Variants in ADAM12 observed in about 807,000 individuals in gnomAD.
The protein encoded by ADAM12 is ADAM metallopeptidase domain 12.
A neutral mutation model predicts 106.4 loss-of-function variants in ADAM12; 70 were observed. That is an observed-to-expected ratio of 0.66 (90% confidence interval 0.54 to 0.80). ADAM12 has a LOEUF of 0.80. Among genes scored for constraint, ADAM12 ranks in the 30% least tolerant of loss-of-function variants. ADAM12 has a pLI of 0.00. For synonymous variants in ADAM12, 420 were observed against 433.5 expected (o/e 0.97, Z 0.39); for missense variants, 1,010 against 1,171.9 (o/e 0.86, Z 2.02).
intron 1 of ADAM12, among the ~76,000 whole-genome samples, chr10:126,332,989 G>A (rs1239913820): frequency 6.6e-6 from 1 of 152,200 alleles, no homozygotes; most frequent in African/African-American, 2.4e-5. Flanking sequence ...GATTAAGGCA[G>A]CTTTAAAATA....
chr10:126,087,748 CAG>C (rs1389985373), intron 11 of ADAM12, among the ~76,000 whole-genome samples: 1 of 152,228 alleles, frequency 6.6e-6, no homozygotes, highest in African/African-American at 2.4e-5. Context: ...GCAAGTTCTA[CAG>C]AGTGTGGACT....
In ADAM12 at chr10:126,066,181, C is replaced by T. The variant is rs1436857409; in HGVS notation, c.1413+536G>A. On this transcript the variant is annotated intron_variant, in intron 13 of 22. Transcript: ENST00000448723. The surrounding 1 kb of genome is among the most constrained non-coding windows in gnomAD (Gnocchi z 5.1). ...GAGACAATGGAACTGCCAAAAGAAACGCAGTCCTAGCCAGCAGCAATGGCG... is the reference window on the plus strand; with the variant it reads ...GAGACAATGGAACTGCCAAAAGAAATGCAGTCCTAGCCAGCAGCAATGGCG... Among the ~76,000 whole-genome samples the T allele has an allele frequency of 6.6e-6, 1 of 152,196 alleles. No individual in the cohort carries two copies. The highest frequency in any genetic ancestry group is 2.4e-5 in the African/African-American group (1 of 41,444).
intron 1 of ADAM12, among the ~76,000 whole-genome samples, chr10:126,380,689 A>G: frequency 6.6e-6 from 1 of 152,368 alleles, no homozygotes; most frequent in East Asian, 1.9e-4. Context: ...ACTATGAAAA[A>G]TGCACAGCAA....
chr10:126,077,329 C>G (rs1423157069), intron 11 of ADAM12, among the ~76,000 whole-genome samples: 3 of 151,936 alleles, frequency 2.0e-5, no homozygotes, highest in African/African-American at 7.3e-5. Flanking sequence ...TCATACTACC[C>G]AAAGCAATGT....
chr10:126,249,036 A>G (rs1488011560), intron 3 of ADAM12, among the ~76,000 whole-genome samples: 1 of 152,028 alleles, frequency 6.6e-6, no homozygotes, highest in Non-Finnish European at 1.5e-5. Flanking sequence ...TCATTTCCAG[A>G]ACCAACTATA....
chr10:126,246,361 A>T (rs887874179), intron 3 of ADAM12, among the ~76,000 whole-genome samples: 1 of 152,210 alleles, frequency 6.6e-6, no homozygotes, highest in East Asian at 1.9e-4. Context: ...AGCCATAGAC[A>T]ACCTAAGGTA....
intron 2 of ADAM12, among the ~76,000 whole-genome samples, chr10:126,326,158 C>T (rs188703009): frequency 6.6e-6 from 1 of 152,176 alleles, no homozygotes; most frequent in African/African-American, 2.4e-5. Context: ...ATCAATTTCC[C>T]CAAGTGGATC....
chr10:126,084,028 G>A (rs1955287403), intron 11 of ADAM12, among the ~76,000 whole-genome samples: 1 of 152,178 alleles, frequency 6.6e-6, no homozygotes, highest in African/African-American at 2.4e-5. Flanking sequence ...TCCTTAGTAG[G>A]CCATTTCCAT....
At chr10:126,046,801 C>CAAAAAAAAAAAA (rs60056450) in intron 16 of ADAM12, among the ~76,000 whole-genome samples, 1 of 49,918 alleles carries the variant, frequency 2.0e-5, no homozygotes, top group African/African-American at 6.4e-5. Context: ...GATTCCGTCT[C>CAAAAAAAAAAAA]AAAAAAAAAA....
chr10:126,155,086 C>T, intron 4 of ADAM12, 141 bp downstream of exon 4: 1 of 861,724 alleles, frequency 1.2e-6, no homozygotes, highest in Non-Finnish European at 1.8e-6. Context: ...ACGCCTACCA[C>T]TAAGGGACAC....
intron 3 of ADAM12, among the ~76,000 whole-genome samples, chr10:126,251,927 AGGAT>A (rs1402286299): frequency 5.2e-5 from 2 of 38,272 alleles, no homozygotes; most frequent in Non-Finnish European, 1.4e-4. Context: ...TGGGATGGAT[AGGAT>A]GGATGGATGG....
intron 3 of ADAM12, among the ~76,000 whole-genome samples, chr10:126,266,753 G>A (rs7912149): frequency 6.6e-6 from 1 of 152,182 alleles, no homozygotes; most frequent in African/African-American, 2.4e-5. Context: ...GTGGATGGCA[G>A]AGTGGGAGCA....
intron 1 of ADAM12, among the ~76,000 whole-genome samples, chr10:126,385,175 C>T (rs988327687): frequency 9.2e-5 from 14 of 152,178 alleles, no homozygotes; most frequent in Non-Finnish European, 2.1e-4. Context: ...GCTTCTGTGT[C>T]CTCTCTAGAT....
rs368725833 is a variant in ADAM12, at chr10:126,098,394, G to A, written c.996+22C>T. 20 of 1,600,036 alleles carry A rather than the reference G, an allele frequency of 1.2e-5. No homozygotes were observed. The African/African-American group carries it at 2.5e-4, about 20-fold the overall frequency. On this transcript the variant is annotated intron_variant, in intron 10 of 22. Coordinates refer to ENST00000448723, the MANE Select transcript of ADAM12 (RefSeq NM_001288973.2). Reference sequence around the variant, plus strand: ...GGGGAATCATTATCAAGGGGAACCAGCTCCCAATGCCCTTGGCTTACCATG... The same window carrying A: ...GGGGAATCATTATCAAGGGGAACCAACTCCCAATGCCCTTGGCTTACCATG...
At chr10:126,260,226 C>T (rs761907631) in intron 3 of ADAM12, among the ~76,000 whole-genome samples, 4 of 152,210 alleles carry the variant, frequency 2.6e-5, no homozygotes, top group East Asian at 1.9e-4. Flanking sequence ...CGGGAGCCAG[C>T]GCTTCACGCT....
chr10:126,309,602 T>A (rs1419373005), intron 2 of ADAM12, among the ~76,000 whole-genome samples: 10 of 152,116 alleles, frequency 6.6e-5, no homozygotes, highest in African/African-American at 2.4e-4. Context: ...AAAATGGAGA[T>A]AAAATTAAAG....
intron 11 of ADAM12, among the ~76,000 whole-genome samples, chr10:126,075,314 G>A (rs901523951): frequency 6.6e-6 from 1 of 152,230 alleles, no homozygotes; most frequent in African/African-American, 2.4e-5. Flanking sequence ...TGGGCAGTTA[G>A]AGGAAGTCAG....
chr10:126,202,357 C>G (rs572986833), intron 3 of ADAM12, among the ~76,000 whole-genome samples: 36 of 152,348 alleles, frequency 2.4e-4, no homozygotes, highest in African/African-American at 7.9e-4. Context: ...TTCAGCCTAT[C>G]CTTAAGTTCA....
In ADAM12 at chr10:126,267,700, T is replaced by A. The variant is rs1959126481; in HGVS notation, c.260+11215A>T. Among the ~76,000 whole-genome samples the A allele has an allele frequency of 3.3e-5, 5 of 152,250 alleles. No homozygotes were observed. In the South Asian group the frequency reaches 1.0e-3, roughly 32 times the overall value. On this transcript the variant is annotated intron_variant, in intron 3 of 22. Transcript: ENST00000448723. ...ACTCACTCATCAGATACTCATCCCC[T>A]GCTGTGTGGCCCAGTTCCTAAGGGT...
Sources: allele counts gnomAD v4.1 joint callset (sites outside exome capture counted in the v4.1 genomes callset), GRCh38; gene constraint gnomAD v4.1.1; non-coding constraint Gnocchi (gnomAD v3.1); transcripts MANE v1.5; gene names NCBI Gene and HGNC (gene_info 2026-07-23, HGNC 2026-07-21).